The following ZNF488 variants were observed in gnomAD, a reference collection of about 807,000 sequenced individuals.
ZNF488 encodes the protein zinc finger protein 488.
ZNF488 carries 1 observed loss-of-function variant against 1.2 expected under a neutral mutation model. That is an observed-to-expected ratio of 0.86 (90% CI 0.30 to 4.07). The LOEUF (loss-of-function observed/expected upper bound fraction) is 4.07. Among genes scored for constraint, ZNF488 ranks in the 30% most tolerant of loss-of-function variants. The pLI, the probability that ZNF488 is intolerant of heterozygous loss-of-function variation, is 0.18. For missense variants in ZNF488, 450 were observed against 437.9 expected (o/e 1.03, Z -0.25); for synonymous variants, 185 against 190.1 (o/e 0.97, Z 0.22).
At chr10:47,370,633 T>C (rs962705741) in intron 1 of ZNF488, among the ~76,000 whole-genome samples, 1 of 152,160 alleles carries the variant, frequency 6.6e-6, no homozygotes, top group Non-Finnish European at 1.5e-5. Flanking sequence ...TGGTTTATAG[T>C]GGTGAAAGCA....
Position 47,381,524 on chromosome 10 carries a change from C to A in ZNF488, c.-109+2696G>T, listed in dbSNP as rs1157560484. 3.9e-5 allele frequency among the ~76,000 whole-genome samples: 6 copies of A among 152,302 alleles called. No homozygotes were observed. The East Asian group carries it at 1.2e-3, about 29-fold the overall frequency. ...ACACTGAAGGTGATCCAGGCTTTCC[C>A]AGAGGCTGGCTGGTGGCACTGGGGA... On this transcript the variant is annotated intron_variant, in intron 1 of 1. Coordinates refer to ENST00000585316, the MANE Select transcript of ZNF488 (RefSeq NM_153034.4).
chr10:47,382,458 A>G (rs148376337), intron 1 of ZNF488, among the ~76,000 whole-genome samples: 1 of 152,134 alleles, frequency 6.6e-6, no homozygotes, highest in African/African-American at 2.4e-5. Flanking sequence ...AATTGGTGTG[A>G]TTATATGTTT....
Position 47,368,550 on chromosome 10 carries a change from G to C in ZNF488, c.280C>G (p.Arg94Gly). The change falls in exon 2 of 2, where the codon CGT (arginine) becomes GGT (glycine). Residue 94 changes from arginine to glycine, a missense_variant. Transcript: ENST00000585316. ...RPGKPLPPKTRGEQRQSAFTE... is the reference protein window; with the variant it reads ...RPGKPLPPKTGGEQRQSAFTE... Reference sequence around the variant, plus strand: ...AAGGCGCTCTGCCTCTGCTCTCCACGTGTCTTCGGGGGCAGCGGCTTGCCA... The same window carrying C: ...AAGGCGCTCTGCCTCTGCTCTCCACCTGTCTTCGGGGGCAGCGGCTTGCCA... 1 of 1,613,294 alleles carries C rather than the reference G, an allele frequency of 6.2e-7. No individual in the cohort carries two copies. Among genetic ancestry groups the C allele is most frequent in the Middle Eastern group, 1.7e-4 (1 of 6,060 alleles).
chr10:47,368,624 A>C lies in ZNF488; in HGVS notation c.206T>G (p.Val69Gly). ...CAACAGTGCCAGCTCCGCACTGCCC[A>C]CATCCCGGCCCGCCCTGCCCACAGC... is the stretch of plus-strand genomic sequence containing the variant. ...EAAVGRAGRD[V>G]GSAELALLVA... Residue 69 changes from valine to glycine, a missense_variant, in exon 2 of 2, where the codon GTG becomes GGG. Physicochemically the swap from Val to Gly is moderately radical, Grantham distance 109 (BLOSUM62 -3). Transcript: ENST00000585316. 1 of 1,610,524 alleles carries C rather than the reference A, an allele frequency of 6.2e-7. No individual in the cohort carries two copies. The highest frequency in any genetic ancestry group is 8.5e-7 in the Non-Finnish European group (1 of 1,179,818).
Position 47,368,343 on chromosome 10 carries a change from A to G in ZNF488, c.487T>C (p.Phe163Leu). 1 of 1,614,144 alleles carries G rather than the reference A, an allele frequency of 6.2e-7. No individual in the cohort carries two copies. Among genetic ancestry groups the G allele is most frequent in the East Asian group, 2.2e-5 (1 of 44,858 alleles). ...GCTGGTCGCTTGGTTGGTTTGCTAA[A>G]GGCGCTTCTTTGCTCACTTCGTGCT... is the stretch of plus-strand genomic sequence containing the variant. ...SGARSEQRSA[F>L]SKPTKRPAER... The change falls in exon 2 of 2, where the codon TTT becomes CTT. Residue 163 changes from phenylalanine (F) to leucine (L), a missense_variant. By Grantham distance (22) the Phe-to-Leu change is conservative (BLOSUM62 0). Transcript: ENST00000585316.
intron 1 of ZNF488, among the ~76,000 whole-genome samples, chr10:47,374,758 G>C (rs2132293379): frequency 6.6e-6 from 1 of 152,244 alleles, no homozygotes; most frequent in South Asian, 2.1e-4. Flanking sequence ...CACCCCACAA[G>C]TCCAGATGTC....
At chr10:47,380,950 G>A (rs4996438) in intron 1 of ZNF488, among the ~76,000 whole-genome samples, 2,922 of 47,292 alleles carry the variant, frequency 0.062, no homozygotes, top group African/African-American at 0.13. Flanking sequence ...ACTTCTTATC[G>A]CACTGAGTGC....
chr10:47,377,711 A>ACACACT (rs1837741970), intron 1 of ZNF488, among the ~76,000 whole-genome samples: 6 of 123,256 alleles, frequency 4.9e-5, no homozygotes, highest in Non-Finnish European at 1.0e-4. Context: ...ACACACACAC[A>ACACACT]CACACACGGC....
chr10:47,373,422 A>C (rs1399363007), intron 1 of ZNF488, among the ~76,000 whole-genome samples: 1 of 152,198 alleles, frequency 6.6e-6, no homozygotes, highest in African/African-American at 2.4e-5. Flanking sequence ...AAAAAGTAGA[A>C]TGGGAAAGAC....
rs782335847 is a variant in ZNF488 at position 47,368,832 on chromosome 10, A to T, written c.-3T>A. The stretch of plus-strand genomic sequence containing the variant: ...AAGCAAGGTGGCCACTCTGGCATTC[A>T]TCAGTCTTTGGGGGTTTGGGGTTCT... On this transcript the variant is annotated 5_prime_UTR_variant, in exon 2 of 2. An upstream start codon of the reference 5' UTR is lost. Transcript: ENST00000585316. 12 of 1,578,728 alleles carry T rather than the reference A, an allele frequency of 7.6e-6. No homozygotes were observed. Among genetic ancestry groups the T allele is most frequent in the Middle Eastern group, 3.4e-4 (2 of 5,834 alleles).
At position 47,371,354 on chromosome 10, in the gene ZNF488, A is replaced by T. The variant is rs529633377; in HGVS notation, c.-108-2417T>A. Among the ~76,000 whole-genome samples the T allele has an allele frequency of 3.3e-5, 5 of 152,356 alleles. No individual in the cohort carries two copies. In the South Asian group the frequency reaches 1.0e-3, roughly 32 times the overall value. On this transcript the variant is annotated intron_variant, in intron 1 of 1. Coordinates refer to ENST00000585316, the MANE Select transcript of ZNF488 (RefSeq NM_153034.4). Reference sequence around the variant, plus strand: ...TCAGATATAAACATGTTGTAAAACAAAACAGGAAAAAAGCCTATCTACCAA... The same window carrying T: ...TCAGATATAAACATGTTGTAAAACATAACAGGAAAAAAGCCTATCTACCAA...
At position 47,368,706 on chromosome 10, in the gene ZNF488, C is replaced by T. The variant is rs1555213393; in HGVS notation, c.124G>A (p.Gly42Ser). The T allele has an allele frequency of 6.2e-7, 1 of 1,612,994 alleles. No individual in the cohort carries two copies. Among genetic ancestry groups the T allele is most frequent in the Non-Finnish European group, 8.5e-7 (1 of 1,180,044 alleles). ...AGCAGCACTGGCTTGCAGCCCCGGC[C>T]CAGCTCAGGTTCGCTAAGTCGCCAT... ...NRWRLSEPEL[G>S]RGCKPVLLEK... The change falls in exon 2 of 2, where the codon GGC becomes AGC. Residue 42 changes from glycine to serine, a missense_variant. Physicochemically the swap from Gly to Ser is moderately conservative, Grantham distance 56. Transcript: ENST00000585316.
chr10:47,374,543 G>C (rs1555214197), intron 1 of ZNF488, among the ~76,000 whole-genome samples: 1 of 152,114 alleles, frequency 6.6e-6, no homozygotes, highest in African/African-American at 2.4e-5. Context: ...CCTCTACCTG[G>C]GTAGTTTAAA....
intron 1 of ZNF488, among the ~76,000 whole-genome samples, chr10:47,373,649 C>A: frequency 6.6e-6 from 1 of 152,264 alleles, no homozygotes; most frequent in East Asian, 1.9e-4. Flanking sequence ...ACAAAATGTA[C>A]GGCATGGAGA....
At chr10:47,373,762 A>AC (rs1272974034) in intron 1 of ZNF488, among the ~76,000 whole-genome samples, 2 of 152,228 alleles carry the variant, frequency 1.3e-5, no homozygotes, top group Admixed American at 6.5e-5. Context: ...CATAGACGGA[A>AC]CATCACTCTC....
Position 47,366,390 on chromosome 10 carries a change from C to T in ZNF488, c.*1417G>A, listed in dbSNP as rs142863627. ...CAGGTGGGAGTGCTGCTGCCTGGAA[C>T]GGTGGACAGAGGAGAGCAATAGAAG... On this transcript the variant is annotated 3_prime_UTR_variant, in exon 2 of 2. Transcript: ENST00000585316. 713 of 167,402 alleles carry T rather than the reference C, an allele frequency of 4.3e-3. 8 individuals are homozygous for T. Among genetic ancestry groups the T allele is most frequent in the African/African-American group, 0.015 (614 of 41,580 alleles). 10.4% of individuals were successfully genotyped at this position (167,402 alleles called of 1,614,324 possible).
intron 1 of ZNF488, among the ~76,000 whole-genome samples, chr10:47,383,795 G>C (rs1588894158): frequency 6.6e-6 from 1 of 152,086 alleles, no homozygotes; most frequent in Admixed American, 6.5e-5. Context: ...CCCCGGGAGA[G>C]ACAGTGGGAG....
intron 1 of ZNF488, among the ~76,000 whole-genome samples, chr10:47,371,830 C>T (rs911508408): frequency 3.9e-5 from 6 of 152,094 alleles, no homozygotes; most frequent in African/African-American, 7.2e-5. Flanking sequence ...CTAGCCCCCA[C>T]GCTGGAGTGC....
At position 47,368,373 on chromosome 10, in the gene ZNF488, T is replaced by C; in HGVS notation, c.457A>G (p.Ser153Gly). 6.2e-7 allele frequency: 1 copy of C among 1,614,188 alleles called. No individual in the cohort carries two copies. Among genetic ancestry groups the C allele is most frequent in the Non-Finnish European group, 8.5e-7 (1 of 1,180,044 alleles). ...AGSKVFSVWP[S>G]GARSEQRSAF... is the part of the protein sequence containing the mutation. ...CTTCTTTGCTCACTTCGTGCTCCGC[T>C]GGGCCACACAGAGAAGACTTTGCTG... Residue 153 changes from serine to glycine, a missense_variant, in exon 2 of 2, where the codon AGC becomes GGC. Transcript: ENST00000585316.
Sources: gnomAD v4.1 joint callset for allele counts (sites outside exome capture counted in the v4.1 genomes callset) on GRCh38, gnomAD v4.1.1 for gene constraint, MANE v1.5 for transcripts, NCBI Gene and HGNC (gene_info 2026-07-23, HGNC 2026-07-21) for gene names.